The following CUX1 variants were observed in gnomAD, a reference collection of about 807,000 sequenced individuals.
CUX1 encodes cut like homeobox 1, also known as protein CASP.
A neutral mutation model predicts 158.8 loss-of-function variants in CUX1; 31 were observed. The ratio of observed to expected loss-of-function variants is 0.20; its 90% CI spans 0.15 to 0.26. CUX1 has a LOEUF of 0.26. CUX1 is among the 10% of genes least tolerant of loss of function. The pLI is 1.00. For synonymous variants in CUX1, 879 were observed against 862.1 expected (o/e 1.02, Z -0.34); for missense variants, 1,589 against 2,014.6 (o/e 0.79, Z 4.04).
At chr7:102,273,205 G>A (rs1554546671) in intron 14 of CUX1, among the ~76,000 whole-genome samples, 1 of 152,174 alleles carries the variant, frequency 6.6e-6, no homozygotes, top group Non-Finnish European at 1.5e-5. Flanking sequence ...AGGTCTAATG[G>A]GGTCTTCTAG....
intron 8 of CUX1, among the ~76,000 whole-genome samples, chr7:102,156,038 ATGAACAT>A (rs1450507456): frequency 6.6e-6 from 1 of 152,222 alleles, no homozygotes. Context: ...AACAGATACA[ATGAACAT>A]TGAACCCGAT....
chr7:102,199,828 C>T (rs782127723), intron 16 of CUX1, among the ~76,000 whole-genome samples: 5 of 152,236 alleles, frequency 3.3e-5, no homozygotes, highest in Admixed American at 1.3e-4. Context: ...TACTAACCCA[C>T]GGGTGGTGTC....
At chr7:101,827,955 G>A (rs1223771201) in intron 1 of CUX1, among the ~76,000 whole-genome samples, 1 of 150,088 alleles carries the variant, frequency 6.7e-6, no homozygotes, top group Non-Finnish European at 1.5e-5. Flanking sequence ...GGAGAAGCAG[G>A]CCCAATTGGT....
At chr7:101,910,775 A>C (rs572332300) in intron 1 of CUX1, among the ~76,000 whole-genome samples, 1 of 152,094 alleles carries the variant, frequency 6.6e-6, no homozygotes, top group Admixed American at 6.5e-5. Context: ...GGCAAATCCA[A>C]ATGGATCTCT....
intron 2 of CUX1, among the ~76,000 whole-genome samples, chr7:101,941,953 T>C (rs1449185345): frequency 2.6e-5 from 4 of 152,202 alleles, no homozygotes; most frequent in Non-Finnish European, 1.5e-5. Context: ...TCTCTGTCCC[T>C]GTTTTTAAGT....
chr7:102,256,120 G>A lies in CUX1; in HGVS notation c.*7078G>A, dbSNP rs1264942981. On this transcript the variant is annotated 3_prime_UTR_variant, in exon 24 of 24. Transcript: ENST00000292535. ...CCACTGTGCTGGGCGTGCAGGGCCC[G>A]CGGGCTCTGGCCGGAGCCGCTGGCC... The A allele has an allele frequency of 5.1e-6, 5 of 985,268 alleles. No individual in the cohort carries two copies. Among genetic ancestry groups the A allele is most frequent in the East Asian group, 1.1e-4 (1 of 8,820 alleles). The allele number at this position is 985,268 out of a possible 1,614,324, so 61.0% of individuals were successfully genotyped here.
At chr7:102,132,327 GCCACGCA>G in intron 8 of CUX1, among the ~76,000 whole-genome samples, 1 of 149,020 alleles carries the variant, frequency 6.7e-6, no homozygotes, top group Admixed American at 6.7e-5. Flanking sequence ...GCGCGCGCAC[GCCACGCA>G]CACACGCATC....
chr7:101,997,832 A>G lies in CUX1; in HGVS notation c.142-30266A>G, dbSNP rs187409952. Among the ~76,000 whole-genome samples, 120 of 151,730 alleles carry G rather than the reference A, an allele frequency of 7.9e-4. 1 individual carries two copies. Among genetic ancestry groups the G allele is most frequent in the African/African-American group, 2.7e-3 (110 of 41,282 alleles). ...CTCTTGGGATCCTCTCTTCTCATCA[A>G]TGTTATCTCAGAGAGCTTTCACTGT... is the stretch of plus-strand genomic sequence containing the variant. On this transcript the variant is annotated intron_variant, in intron 2 of 23. Coordinates refer to ENST00000292535, the MANE Select transcript of CUX1 (RefSeq NM_181552.4).
intron 2 of CUX1, among the ~76,000 whole-genome samples, chr7:102,014,818 C>T (rs1310154055): frequency 6.8e-6 from 1 of 147,816 alleles, no homozygotes; most frequent in Non-Finnish European, 1.5e-5. Flanking sequence ...TTATGGGCTG[C>T]ATTTTTGATG....
intron 17 of CUX1, among the ~76,000 whole-genome samples, chr7:102,277,334 G>A (rs1283781957): frequency 3.3e-5 from 5 of 152,028 alleles, no homozygotes; most frequent in Admixed American, 6.6e-5. Flanking sequence ...AGCAGCTCAC[G>A]CCTATAATCC....
At chr7:102,058,250 T>G (rs1426574794) in intron 3 of CUX1, among the ~76,000 whole-genome samples, 1 of 152,206 alleles carries the variant, frequency 6.6e-6, no homozygotes, top group Non-Finnish European at 1.5e-5. Context: ...CTTGCTTCAT[T>G]GCAATATTTG....
chr7:102,084,368 ATT>A (rs1299401891), intron 4 of CUX1, among the ~76,000 whole-genome samples: 1 of 149,522 alleles, frequency 6.7e-6, no homozygotes, highest in Non-Finnish European at 1.5e-5. Flanking sequence ...AGCTCTAGAA[ATT>A]TTTTTGAAGT....
At chr7:102,110,758 A>G (rs550062975) in intron 6 of CUX1, among the ~76,000 whole-genome samples, 2 of 152,272 alleles carry the variant, frequency 1.3e-5, no homozygotes, top group South Asian at 4.2e-4. Context: ...AGTATGTTAC[A>G]TATTTGTTTA....
intron 8 of CUX1, among the ~76,000 whole-genome samples, chr7:102,133,395 T>G (rs1833537875): frequency 6.6e-6 from 1 of 151,798 alleles, no homozygotes; most frequent in African/African-American, 2.4e-5. Flanking sequence ...TCCCTCATTC[T>G]AGGGGCTCTT....
At chr7:101,818,502 A>G (rs1158961173) in intron 1 of CUX1, among the ~76,000 whole-genome samples, 1 of 152,188 alleles carries the variant, frequency 6.6e-6, no homozygotes, top group Non-Finnish European at 1.5e-5. Context: ...TGTCCCCCAT[A>G]TTAGCTACTT....
intron 3 of CUX1, among the ~76,000 whole-genome samples, chr7:102,064,575 G>GT (rs1474968775): frequency 3.3e-5 from 5 of 152,208 alleles, no homozygotes; most frequent in African/African-American, 4.8e-5. Context: ...TCCCTGCAGG[G>GT]AGTCAGGCGG....
At chr7:102,005,063 G>A (rs1817157474) in intron 2 of CUX1, among the ~76,000 whole-genome samples, 1 of 152,194 alleles carries the variant, frequency 6.6e-6, no homozygotes, top group Non-Finnish European at 1.5e-5. Context: ...ATTGCAGGCA[G>A]GGGACTGCAG....
chr7:102,062,708 C>A (rs1825043315), intron 3 of CUX1, among the ~76,000 whole-genome samples: 1 of 152,154 alleles, frequency 6.6e-6, no homozygotes, highest in African/African-American at 2.4e-5. Context: ...GCTACACTGC[C>A]CAGGTTGATC....
At chr7:102,277,934 C>T in intron 17 of CUX1, 1 of 846,850 alleles carries the variant, frequency 1.2e-6, no homozygotes, top group Non-Finnish European at 1.7e-6. Context: ...CCTTTCCTTG[C>T]CCCTCCCCCC....
Sources: allele counts gnomAD v4.1 joint callset (sites outside exome capture counted in the v4.1 genomes callset), GRCh38; gene constraint gnomAD v4.1.1; transcripts MANE v1.5; gene names NCBI Gene and HGNC (gene_info 2026-07-23, HGNC 2026-07-21).